The following SNX17 variants were observed in gnomAD, a reference collection of about 807,000 sequenced individuals.
SNX17 encodes the protein sorting nexin 17, also known as sorting nexin-17.
Under a neutral mutation model 64.3 loss-of-function variants are expected in SNX17, and 35 were observed. The ratio of observed to expected loss-of-function variants is 0.54; its 90% CI spans 0.42 to 0.72. The LOEUF (loss-of-function observed/expected upper bound fraction) is 0.72. SNX17 is among the 30% of genes least tolerant of loss of function. SNX17 has a pLI of 0.00. For missense variants in SNX17, 538 were observed against 610.0 expected (o/e 0.88, Z 1.24); for synonymous variants, 259 against 230.2 (o/e 1.13, Z -1.13).
rs1683229092 is a variant in SNX17 at position 27,376,381 on chromosome 2, A to G, written c.1251A>G (p.Pro417=). Residue 417 remains proline (P), a synonymous_variant, in exon 13 of 15, where the codon CCA becomes CCG. Coordinates refer to ENST00000233575, the MANE Select transcript of SNX17 (RefSeq NM_014748.4). The part of the protein sequence containing the change: ...SDSQQAVKSP[P]LLESPDATRE... ...GCCAGCAAGCAGTGAAGTCCCCACC[A>G]CTGCTTGTAAGTATTACCTCCTGGT... 11 of 1,613,886 alleles carry G rather than the reference A, an allele frequency of 6.8e-6. No individual in the cohort carries two copies. Among genetic ancestry groups the G allele is most frequent in the Middle Eastern group, 1.6e-4 (1 of 6,062 alleles).
In SNX17 at chr2:27,375,598, G is replaced by A; in HGVS notation, c.867G>A (p.Val289=). 1 of 1,614,210 alleles carries A rather than the reference G, an allele frequency of 6.2e-7. No homozygotes were observed. The highest frequency in any genetic ancestry group is 1.1e-5 in the South Asian group (1 of 91,088). ...ADFPEKDCPV[V]VSAGNSELSL... is the part of the protein sequence containing the mutation. Reference sequence around the variant, plus strand: ...TCCCAGAAAAGGACTGTCCTGTGGTGGTGAGCGCGGGCAACAGTGAGCTCA... The same window carrying A: ...TCCCAGAAAAGGACTGTCCTGTGGTAGTGAGCGCGGGCAACAGTGAGCTCA... Residue 289 remains valine (V), a synonymous_variant, in exon 10 of 15, where the codon GTG becomes GTA. Coordinates refer to ENST00000233575, the MANE Select transcript of SNX17 (RefSeq NM_014748.4). This position sits in a 1 kb window ranked among gnomAD's most constrained non-coding sequence, Gnocchi z 4.1.
At chr2:27,371,629 C>A (rs372512006) in intron 2 of SNX17, 8 of 314,666 alleles carry the variant, frequency 2.5e-5, no homozygotes, top group East Asian at 1.3e-4. Context: ...ACCCCTCCCC[C>A]CACTACCTCC....
intron 6 of SNX17, 24 bp downstream of exon 6, chr2:27,374,199 C>G (rs1381069802): frequency 6.3e-7 from 1 of 1,595,878 alleles, no homozygotes; most frequent in Admixed American, 1.7e-5. Flanking sequence ...GACTTGACTG[C>G]AGTACAAGGG....
In SNX17 at chr2:27,375,262, C is replaced by T; in HGVS notation, c.774+109C>T. Reference sequence around the variant, plus strand: ...CATGCCATTCTCCCGCCTCAGCCTCCCGAGTAGCTGGGACTACAGGCACCC... The same window carrying T: ...CATGCCATTCTCCCGCCTCAGCCTCTCGAGTAGCTGGGACTACAGGCACCC... On this transcript the variant is annotated intron_variant, in intron 9 of 14. Coordinates refer to ENST00000233575, the MANE Select transcript of SNX17 (RefSeq NM_014748.4). The surrounding 1 kb of genome is among the most constrained non-coding windows in gnomAD (Gnocchi z 4.1). 2 of 1,095,864 alleles carry T rather than the reference C, an allele frequency of 1.8e-6. No homozygotes were observed. Among genetic ancestry groups the T allele is most frequent in the Non-Finnish European group, 2.6e-6 (2 of 754,736 alleles). 67.9% of individuals were successfully genotyped at this position (1,095,864 alleles called of 1,614,324 possible). A position where few individuals can be genotyped will look rare whatever the true frequency, so the allele number is the denominator to read the frequency against.
chr2:27,375,253 C>G lies in SNX17; in HGVS notation c.774+100C>G, dbSNP rs1450347549. On this transcript the variant is annotated intron_variant, in intron 9 of 14. Coordinates refer to ENST00000233575, the MANE Select transcript of SNX17 (RefSeq NM_014748.4). The surrounding 1 kb of genome is among the most constrained non-coding windows in gnomAD (Gnocchi z 4.1). Reference sequence around the variant, plus strand: ...TCTCAGATTCATGCCATTCTCCCGCCTCAGCCTCCCGAGTAGCTGGGACTA... The same window carrying G: ...TCTCAGATTCATGCCATTCTCCCGCGTCAGCCTCCCGAGTAGCTGGGACTA... 1 of 1,149,264 alleles carries G rather than the reference C, an allele frequency of 8.7e-7. No individual in the cohort carries two copies. Among genetic ancestry groups the G allele is most frequent in the Admixed American group, 2.0e-5 (1 of 49,204 alleles). The allele number at this position is 1,149,264 out of a possible 1,614,324, so 71.2% of individuals were successfully genotyped here.
At chr2:27,374,528 G>T in intron 7 of SNX17, 95 bp downstream of exon 7, 1 of 1,309,680 alleles carries the variant, frequency 7.6e-7, no homozygotes. Flanking sequence ...GGACAAGGGG[G>T]TGTAGTGCTG....
rs907773401 is a variant in SNX17, at chr2:27,376,890, G to A, written c.*171G>A. On this transcript the variant is annotated 3_prime_UTR_variant, in exon 15 of 15. Coordinates refer to ENST00000233575, the MANE Select transcript of SNX17 (RefSeq NM_014748.4). ...CCTACCTTTCCTTGTCCCCTGGGCT[G>A]GCTGCACAGAGGATTGCCCCTTCTC... 1 of 616,700 alleles carries A rather than the reference G, an allele frequency of 1.6e-6. No individual in the cohort carries two copies. The highest frequency in any genetic ancestry group is 2.9e-6 in the Non-Finnish European group (1 of 350,192). 38.2% of individuals were successfully genotyped at this position (616,700 alleles called of 1,614,324 possible). A position where few individuals can be genotyped will look rare whatever the true frequency, so the allele number is the denominator to read the frequency against.
At position 27,377,326 on chromosome 2, in the gene SNX17, C is replaced by G; in HGVS notation, c.*607C>G. The G allele has an allele frequency of 1.4e-6, 1 of 693,062 alleles. No homozygotes were observed. The highest frequency in any genetic ancestry group is 2.1e-5 in the Admixed American group (1 of 48,168). The allele number at this position is 693,062 out of a possible 1,614,324, so 42.9% of individuals were successfully genotyped here. A position where few individuals can be genotyped will look rare whatever the true frequency, so the allele number is the denominator to read the frequency against. ...GTCCCCCAGCCGGTTTGTCCACAGC[C>G]CCTGGGGGCAGTGGAGGTGAATACA... is the stretch of plus-strand genomic sequence containing the variant. On this transcript the variant is annotated 3_prime_UTR_variant, in exon 15 of 15. Transcript: ENST00000233575. The surrounding 1 kb of genome is among the most constrained non-coding windows in gnomAD (Gnocchi z 4.4).
At position 27,373,980 on chromosome 2, in the gene SNX17, C is replaced by T. The variant is rs1682894324; in HGVS notation, c.432+9C>T. On this transcript the variant is annotated intron_variant, in intron 5 of 14. Transcript: ENST00000233575. ...CTGAGGATGTCCTGGAGGTGAGGCG[C>T]TTGTTCAGCACTGCCCCTTCTTCCC... The T allele has an allele frequency of 2.1e-5, 34 of 1,613,316 alleles. No homozygotes were observed. The highest frequency in any genetic ancestry group is 2.9e-5 in the Non-Finnish European group (34 of 1,179,248).
chr2:27,371,248 T>G (rs1216895949), intron 1 of SNX17, 21 bp from the exon 2 acceptor site: 2 of 1,612,028 alleles, frequency 1.2e-6, no homozygotes, highest in Non-Finnish European at 1.7e-6. Context: ...CTAAAATGCT[T>G]GACTACTTTT....
rs148762429 is a variant in SNX17 at position 27,375,613 on chromosome 2, C to G, written c.882C>G (p.Asn294Lys). 2.2e-5 allele frequency: 35 copies of G among 1,614,100 alleles called. No homozygotes were observed. In the African/African-American group the frequency reaches 4.5e-4, roughly 21 times the overall value. ...GTCCTGTGGTGGTGAGCGCGGGCAA[C>G]AGTGAGCTCAGCCTGCAGCTCCGCC... ...KDCPVVVSAGNSELSLQLRLP... is the reference protein window; with the variant it reads ...KDCPVVVSAGKSELSLQLRLP... Residue 294 changes from asparagine (N) to lysine (K), a missense_variant, in exon 10 of 15, where the codon AAC becomes AAG. Coordinates refer to ENST00000233575, the MANE Select transcript of SNX17 (RefSeq NM_014748.4). The surrounding 1 kb of genome is among the most constrained non-coding windows in gnomAD (Gnocchi z 4.1).
At position 27,375,811 on chromosome 2, in the gene SNX17, G is replaced by C. The variant is rs369922360; in HGVS notation, c.979-35G>C. The stretch of plus-strand genomic sequence containing the variant: ...GTCAGGGAGCCAGACAGGTTGGTCA[G>C]AGTGAACTCAACCGAATTCCCCTTC... On this transcript the variant is annotated intron_variant, in intron 10 of 14. Transcript: ENST00000233575. The surrounding 1 kb of genome is among the most constrained non-coding windows in gnomAD (Gnocchi z 4.1). 2 of 1,611,956 alleles carry C rather than the reference G, an allele frequency of 1.2e-6. No individual in the cohort carries two copies. Among genetic ancestry groups the C allele is most frequent in the African/African-American group, 2.7e-5 (2 of 74,932 alleles).
At chr2:27,372,332 C>T (rs2148394637) in intron 2 of SNX17, among the ~76,000 whole-genome samples, 1 of 152,332 alleles carries the variant, frequency 6.6e-6, no homozygotes, top group East Asian at 1.9e-4. Context: ...AGTGAACAGT[C>T]TTGCTAGGTG....
In SNX17 at chr2:27,377,366, G is replaced by A; in HGVS notation, c.*647G>A. ...AGGTGAATACAGGGCCCTTCTCACT[G>A]AGCTCGTGAAGTGCCTCAGTCAAGG... On this transcript the variant is annotated 3_prime_UTR_variant, in exon 15 of 15. Transcript: ENST00000233575. The surrounding 1 kb of genome is among the most constrained non-coding windows in gnomAD (Gnocchi z 4.4). 3 of 734,866 alleles carry A rather than the reference G, an allele frequency of 4.1e-6. No homozygotes were observed. Among genetic ancestry groups the A allele is most frequent in the South Asian group, 3.0e-5 (2 of 67,444 alleles). 45.5% of individuals were successfully genotyped at this position (734,866 alleles called of 1,614,324 possible).
At chr2:27,374,575 A>G (rs1330823744) in intron 7 of SNX17, 114 bp from the exon 8 acceptor site, 1 of 1,245,140 alleles carries the variant, frequency 8.0e-7, no homozygotes, top group African/African-American at 1.5e-5. Context: ...TCCTCCCACT[A>G]TACCATTAGC....
rs926881965 is a variant in SNX17, at chr2:27,370,643, C to T, written c.-101C>T. The T allele has an allele frequency of 4.1e-6, 6 of 1,460,980 alleles. No homozygotes were observed. Among genetic ancestry groups the T allele is most frequent in the African/African-American group, 1.4e-5 (1 of 70,326 alleles). 90.5% of individuals were successfully genotyped at this position (1,460,980 alleles called of 1,614,324 possible). A position where few individuals can be genotyped will look rare whatever the true frequency, so the allele number is the denominator to read the frequency against. On this transcript the variant is annotated 5_prime_UTR_variant, in exon 1 of 15. Coordinates refer to ENST00000233575, the MANE Select transcript of SNX17 (RefSeq NM_014748.4). The stretch of plus-strand genomic sequence containing the variant: ...TCGGATCGCAGGGCTCCCAAAATGG[C>T]GAGTGAGGCTGCGGGGACTCGCTGA...
At position 27,376,758 on chromosome 2, in the gene SNX17, A is replaced by C; in HGVS notation, c.*39A>C. On this transcript the variant is annotated 3_prime_UTR_variant, in exon 15 of 15. Coordinates refer to ENST00000233575, the MANE Select transcript of SNX17 (RefSeq NM_014748.4). ...GATGTCTGCCCTCTACCCCAGAGGA[A>C]TTTACAGAAACTTGCCCTGTGCCTG... The C allele has an allele frequency of 1.3e-6, 2 of 1,564,978 alleles. No homozygotes were observed. Among genetic ancestry groups the C allele is most frequent in the Non-Finnish European group, 1.8e-6 (2 of 1,137,882 alleles).
chr2:27,373,037 T>C, intron 3 of SNX17: 5 of 1,546,368 alleles, frequency 3.2e-6, no homozygotes, highest in Non-Finnish European at 4.4e-6. Context: ...GTTATTTCCC[T>C]AGTTCTATAG....
Position 27,376,742 on chromosome 2 carries a change from C to T in SNX17, c.*23C>T, listed in dbSNP as rs1331768676. 2.5e-6 allele frequency: 4 copies of T among 1,592,218 alleles called. No homozygotes were observed. Among genetic ancestry groups the T allele is most frequent in the African/African-American group, 1.3e-5 (1 of 74,416 alleles). ...TAATCTCCACTGCTTGGATGTCTGC[C>T]CTCTACCCCAGAGGAATTTACAGAA... On this transcript the variant is annotated 3_prime_UTR_variant, in exon 15 of 15. Transcript: ENST00000233575.
Sources: allele counts gnomAD v4.1 joint callset (sites outside exome capture counted in the v4.1 genomes callset), GRCh38; gene constraint gnomAD v4.1.1; non-coding constraint Gnocchi (gnomAD v3.1); transcripts MANE v1.5; gene names NCBI Gene and HGNC (gene_info 2026-07-23, HGNC 2026-07-21).